The following PLCH2 variants were observed in gnomAD, a reference collection of about 807,000 sequenced individuals.
The protein encoded by PLCH2 is phospholipase C eta 2, also known as 1-phosphatidylinositol 4,5-bisphosphate phosphodiesterase eta-2.
Under a neutral mutation model 134.7 loss-of-function variants are expected in PLCH2, and 98 were observed. That is an observed-to-expected ratio of 0.73 (90% confidence interval 0.62 to 0.86). The LOEUF (loss-of-function observed/expected upper bound fraction) is 0.86, where lower values mean the gene tolerates loss of function less well. Among genes scored for constraint, PLCH2 ranks in the 40% least tolerant of loss-of-function variants. The pLI is 0.00. For synonymous variants in PLCH2, 974 were observed against 827.5 expected, an observed-to-expected ratio of 1.18 and a Z score of -3.04; for missense variants, 1,994 against 1,986.6, an observed-to-expected ratio of 1.00 and a Z score of -0.07.
At chr1:2,445,131 G>T (rs1165128787) in intron 2 of PLCH2, among the ~76,000 whole-genome samples, 1 of 152,098 alleles carries the variant, frequency 6.6e-6, no homozygotes, top group Non-Finnish European at 1.5e-5. Context: ...TTAAGCCAGG[G>T]CCACATTCTC....
In PLCH2 at chr1:2,502,136, G is replaced by A. The variant is rs1002681187; in HGVS notation, c.2686G>A (p.Gly896Ser). Residue 896 changes from glycine (G) to serine (S), a missense_variant, in exon 21 of 22, where the codon GGC becomes AGC. Physicochemically the swap from Gly to Ser is moderately conservative, Grantham distance 56. Around this residue, in one of 2 missense-constraint regions of PLCH2, gnomAD observed 1,094 missense variants for 1,234.3 expected, o/e 0.89. Transcript: ENST00000378486. ...GGTCAAGCAGGCTCTGGGCCTAAAA[G>A]GCCTCTTCCTCCGAGGCCCAAAGCC... ...GKVKQALGLK[G>S]LFLRGPKPGS... 1.4e-6 allele frequency: 2 copies of A among 1,466,400 alleles called. No individual in the cohort carries two copies. The highest frequency in any genetic ancestry group is 1.8e-6 in the Non-Finnish European group (2 of 1,113,282). The allele number at this position is 1,466,400 out of a possible 1,614,324, so 90.8% of individuals were successfully genotyped here. A position where few individuals can be genotyped will look rare whatever the true frequency, so the allele number is the denominator to read the frequency against.
rs1439947254 is a variant in PLCH2 at position 2,503,675 on chromosome 1, G to A, written c.2960-247G>A. ...GGGCCCAGCCCCGGTGTCCCGTGCTGTCCCAGCCCAAGGAGGGCCCCGTGT... is the reference window on the plus strand; with the variant it reads ...GGGCCCAGCCCCGGTGTCCCGTGCTATCCCAGCCCAAGGAGGGCCCCGTGT... On this transcript the variant is annotated intron_variant, in intron 21 of 21. Coordinates refer to ENST00000378486, the MANE Select transcript of PLCH2 (RefSeq NM_014638.4). The A allele has an allele frequency of 1.6e-5, 11 of 672,646 alleles. No individual in the cohort carries two copies. In the East Asian group the frequency reaches 2.2e-4, roughly 13 times the overall value. The allele number at this position is 672,646 out of a possible 1,614,324, so 41.7% of individuals were successfully genotyped here.
At chr1:2,483,020 G>A (rs747735528) in intron 4 of PLCH2, among the ~76,000 whole-genome samples, 9 of 152,172 alleles carry the variant, frequency 5.9e-5, no homozygotes, top group African/African-American at 9.7e-5. Flanking sequence ...AGAGCACGCC[G>A]TCCTCAGCCT....
Position 2,489,816 on chromosome 1 carries a change from T to C in PLCH2, c.1464T>C (p.Asp488=), listed in dbSNP as rs1171809700. ...ATGCGGAGGAAGGCGAGGTGTCTGA[T>C]GAGGACAGTGCTGATGAGATTGACG... ...SEDAEEGEVS[D]EDSADEIDDD... The change falls in exon 10 of 22, where the codon GAT becomes GAC. Residue 488 remains aspartate (D), a synonymous_variant. Transcript: ENST00000378486. 1.2e-6 allele frequency: 2 copies of C among 1,613,658 alleles called. No homozygotes were observed. The highest frequency in any genetic ancestry group is 1.7e-6 in the Non-Finnish European group (2 of 1,179,854).
chr1:2,443,787 G>T (rs1388038126), intron 2 of PLCH2, among the ~76,000 whole-genome samples: 1 of 147,536 alleles, frequency 6.8e-6, no homozygotes, highest in Non-Finnish European at 1.5e-5. Flanking sequence ...GTGTCACCGC[G>T]CACAGCCCGC....
intron 20 of PLCH2, chr1:2,501,828 C>A (rs1643240525): frequency 5.1e-6 from 2 of 392,564 alleles, no homozygotes; most frequent in East Asian, 7.6e-5. Flanking sequence ...AAGGGCCCCA[C>A]ATGCCCTGGA....
At chr1:2,452,295 C>G (rs1043046474) in intron 2 of PLCH2, among the ~76,000 whole-genome samples, 5 of 152,224 alleles carry the variant, frequency 3.3e-5, no homozygotes, top group African/African-American at 9.7e-5. Context: ...CTGCCGCCCC[C>G]CATCCCCCGG....
At chr1:2,437,010 C>T (rs954056411) in intron 2 of PLCH2, among the ~76,000 whole-genome samples, 12 of 152,308 alleles carry the variant, frequency 7.9e-5, no homozygotes, top group African/African-American at 2.4e-4. Flanking sequence ...GGCCCCTCCC[C>T]GGGGCTTTGC....
chr1:2,491,058 T>G (rs1408531383), intron 10 of PLCH2, 134 bp from the exon 11 acceptor site: 2 of 829,318 alleles, frequency 2.4e-6, no homozygotes, highest in Admixed American at 5.7e-5. Context: ...TGTGGCTGCC[T>G]GCAGGCCCTG....
chr1:2,438,619 G>A (rs1183454706), intron 2 of PLCH2, among the ~76,000 whole-genome samples: 1 of 152,326 alleles, frequency 6.6e-6, no homozygotes, highest in African/African-American at 2.4e-5. Context: ...TTTGCCGATT[G>A]CCCAAGAGAG....
chr1:2,428,631 C>T (rs1321990350), intron 1 of PLCH2, among the ~76,000 whole-genome samples: 5 of 152,268 alleles, frequency 3.3e-5, no homozygotes, highest in African/African-American at 4.8e-5. Context: ...GCGGAGCCCA[C>T]GCCCGGCCCT....
At chr1:2,443,275 TG>T (rs1273988925) in intron 2 of PLCH2, among the ~76,000 whole-genome samples, 1 of 152,070 alleles carries the variant, frequency 6.6e-6, no homozygotes, top group Non-Finnish European at 1.5e-5. Flanking sequence ...ACATCTTAGT[TG>T]GGGGAGGGGT....
At chr1:2,474,970 C>A (rs555494452), upstream of PLCH2, among the ~76,000 whole-genome samples, 117 of 152,338 alleles carry the variant, frequency 7.7e-4, no homozygotes, top group African/African-American at 2.7e-3. Context: ...CCTCTCCCTG[C>A]AGCTCATGGC....
intron 5 of PLCH2, among the ~76,000 whole-genome samples, chr1:2,484,930 C>A (rs932269388): frequency 1.3e-5 from 2 of 152,210 alleles, no homozygotes; most frequent in African/African-American, 2.4e-5. Context: ...ATGGCTTGGT[C>A]CTGACTGTGA....
chr1:2,448,465 G>A lies in PLCH2; in HGVS notation c.115+17836G>A, dbSNP rs533811547. On this transcript the variant is annotated intron_variant, in intron 2 of 3. Transcript: ENST00000609981. This position sits in a 1 kb window ranked among gnomAD's most constrained non-coding sequence, Gnocchi z 4.0. The stretch of plus-strand genomic sequence containing the variant: ...TTGCGCCTCGAGTCTCCTTTGTCCT[G>A]TAGGATCTGGGGCCTGCCTGGGTCA... Among the ~76,000 whole-genome samples the A allele has an allele frequency of 9.2e-5, 14 of 152,320 alleles. 1 individual carries two copies. Among genetic ancestry groups the A allele is most frequent in the African/African-American group, 3.4e-4 (14 of 41,568 alleles).
At chr1:2,452,442 C>T (rs766045048) in intron 2 of PLCH2, among the ~76,000 whole-genome samples, 3 of 152,132 alleles carry the variant, frequency 2.0e-5, no homozygotes, top group Non-Finnish European at 4.4e-5. Context: ...TCCTGCTCTC[C>T]CTCCTGCCCT....
chr1:2,484,011 GGGCGCTGACTCCCGTGTGGGT>G (rs1642154531), intron 4 of PLCH2, among the ~76,000 whole-genome samples: 7 of 139,720 alleles, frequency 5.0e-5, no homozygotes, highest in Non-Finnish European at 7.9e-5. Flanking sequence ...CCGTGTGGGG[GGGCGCTGACTCCCGTGTGGGT>G]GGCGCTGACT....
At chr1:2,421,635 AC>A (rs1162401203), upstream of PLCH2, among the ~76,000 whole-genome samples, 2 of 152,170 alleles carry the variant, frequency 1.3e-5, no homozygotes, top group African/African-American at 4.8e-5. Flanking sequence ...ACATGTTTAC[AC>A]CACCTTCATA....
At chr1:2,492,097 C>T (rs1263354980) in intron 11 of PLCH2, among the ~76,000 whole-genome samples, 2 of 152,234 alleles carry the variant, frequency 1.3e-5, no homozygotes, top group African/African-American at 2.4e-5. Flanking sequence ...GGCACCGGCT[C>T]GTTCTGCCTG....
Sources: gnomAD v4.1 joint callset for allele counts (sites outside exome capture counted in the v4.1 genomes callset) on GRCh38, gnomAD v4.1.1 for gene constraint, gnomAD v4.1.1 regional missense constraint, Gnocchi (gnomAD v3.1) non-coding constraint, MANE v1.5 for transcripts, NCBI Gene and HGNC (gene_info 2026-07-23, HGNC 2026-07-21) for gene names.